The following SLC12A7 variants were observed in gnomAD, a reference collection of about 807,000 sequenced individuals.
SLC12A7 encodes the protein K-Cl cotransporter 4.
In SLC12A7, 100 loss-of-function variants were observed where a neutral mutation model predicts 120.6. That is an observed-to-expected ratio of 0.83 (90% CI 0.71 to 0.98). SLC12A7 has a LOEUF of 0.98. Ranked by LOEUF, SLC12A7 falls within the 50% of genes least tolerant of loss-of-function variation. SLC12A7 has a pLI of 0.00. For missense variants in SLC12A7, 1,373 were observed against 1,548.1 expected, an observed-to-expected ratio of 0.89 and a Z score of 1.90; for synonymous variants, 760 against 678.0, an observed-to-expected ratio of 1.12 and a Z score of -1.88.
chr5:1,142,748 G>A, the SLC12A7 span, among the ~76,000 whole-genome samples: 38 of 147,970 alleles, frequency 2.6e-4, no homozygotes, highest in African/African-American at 7.3e-4. Context: ...AGGTGCTCAC[G>A]GCCCTCCCCA....
chr5:1,078,093 G>T, intron 11 of SLC12A7, 86 bp from the exon 12 acceptor site: 2 of 1,439,420 alleles, frequency 1.4e-6, no homozygotes, highest in Non-Finnish European at 1.8e-6. Flanking sequence ...AGAGCGAGGG[G>T]CCCAGTGCAG....
chr5:1,064,711 G>A, intron 18 of SLC12A7, among the ~76,000 whole-genome samples: 1 of 151,268 alleles, frequency 6.6e-6, no homozygotes, highest in South Asian at 2.1e-4. Context: ...ACGGTGAGGG[G>A]ACAGCGAGGA....
chr5:1,119,253 A>G, the SLC12A7 span, among the ~76,000 whole-genome samples: 1 of 152,174 alleles, frequency 6.6e-6, no homozygotes, highest in African/African-American at 2.4e-5. Flanking sequence ...TCAGCTGGGA[A>G]CCTGGACTGC....
At chr5:1,064,920 G>A (rs534455908) in intron 18 of SLC12A7, among the ~76,000 whole-genome samples, 1 of 150,298 alleles carries the variant, frequency 6.7e-6, no homozygotes, top group Non-Finnish European at 1.5e-5. Context: ...ACGGCGAGGA[G>A]ATGGTGAGGG....
chr5:1,090,999 C>T (rs1740435149), intron 3 of SLC12A7, among the ~76,000 whole-genome samples: 1 of 152,184 alleles, frequency 6.6e-6, no homozygotes, highest in Non-Finnish European at 1.5e-5. Flanking sequence ...GGCCGAGCCA[C>T]GGTCCCCTAA....
intron 23 of SLC12A7, 128 bp downstream of exon 23, chr5:1,053,221 C>T: frequency 8.0e-7 from 1 of 1,247,750 alleles, no homozygotes; most frequent in Non-Finnish European, 1.1e-6. Context: ...GGTCGTAGCT[C>T]CCAGAGCCTG....
the SLC12A7 span, among the ~76,000 whole-genome samples, chr5:1,120,822 G>A: frequency 1.3e-5 from 2 of 152,194 alleles, no homozygotes; most frequent in Non-Finnish European, 2.9e-5. Flanking sequence ...AGGGCAGGCA[G>A]GACTCACCCT....
At chr5:1,084,012 C>T (rs1739524998) in intron 7 of SLC12A7, 56 bp from the exon 8 acceptor site, 18 of 1,481,364 alleles carry the variant, frequency 1.2e-5, no homozygotes, top group Non-Finnish European at 1.6e-5. Context: ...GCTTTTACTG[C>T]CCCACCCAGC....
intron 1 of SLC12A7, among the ~76,000 whole-genome samples, chr5:1,105,025 C>G (rs955875930): frequency 6.6e-6 from 1 of 150,502 alleles, no homozygotes; most frequent in Non-Finnish European, 1.5e-5. Flanking sequence ...GGACCCTCCC[C>G]GAAGGAATGA....
Position 1,052,328 on chromosome 5 carries a change from C to G in SLC12A7, c.*32G>C. On this transcript the variant is annotated 3_prime_UTR_variant, in exon 24 of 24. Transcript: ENST00000264930. Reference sequence around the variant, plus strand: ...CAGGCTGCCCACGCCGTCCTCCGTGCCTGTCCCAGAGTGCCGTGATGCTGT... The same window carrying G: ...CAGGCTGCCCACGCCGTCCTCCGTGGCTGTCCCAGAGTGCCGTGATGCTGT... 1 of 1,585,362 alleles carries G rather than the reference C, an allele frequency of 6.3e-7. No individual in the cohort carries two copies. The highest frequency in any genetic ancestry group is 1.3e-5 in the African/African-American group (1 of 74,460).
At chr5:1,081,011 GACAGACAGAC>G (rs1295789219) in intron 9 of SLC12A7, among the ~76,000 whole-genome samples, 2 of 63,532 alleles carry the variant, frequency 3.1e-5, no homozygotes, top group Non-Finnish European at 4.8e-5. Context: ...GAGAGAGACA[GACAGACAGAC>G]AGAGAGAGAG....
At chr5:1,082,360 TCC>T (rs1739264603) in intron 8 of SLC12A7, among the ~76,000 whole-genome samples, 1 of 71,720 alleles carries the variant, frequency 1.4e-5, no homozygotes, top group Middle Eastern at 0.015. Context: ...TTCTGGAAAG[TCC>T]AGGCTTCCCG....
the SLC12A7 span, among the ~76,000 whole-genome samples, chr5:1,152,623 A>G: frequency 1.3e-5 from 2 of 152,156 alleles, no homozygotes; most frequent in East Asian, 1.9e-4. Flanking sequence ...CCCCCAAGCT[A>G]GAGAACGGAG....
At chr5:1,073,971 G>A (rs938019092) in intron 16 of SLC12A7, among the ~76,000 whole-genome samples, 170 bp from the exon 17 acceptor site, 1 of 152,134 alleles carries the variant, frequency 6.6e-6, no homozygotes, top group Non-Finnish European at 1.5e-5. Context: ...ATGGGGAAAC[G>A]TGACACACGT....
the SLC12A7 span, among the ~76,000 whole-genome samples, chr5:1,155,428 A>G: frequency 2.6e-5 from 4 of 151,572 alleles, no homozygotes; most frequent in South Asian, 4.2e-4. Flanking sequence ...CTGTCGGCCC[A>G]TCCCCGCGGC....
At position 1,091,017 on chromosome 5, in the gene SLC12A7, G is replaced by A. The variant is rs374171962; in HGVS notation, c.343-1889C>T. ...CGAGCCACGGTCCCCTAAGGGAGCCGAAGGAGTCACTGCCAACTGAAACCC... is the reference window on the plus strand; with the variant it reads ...CGAGCCACGGTCCCCTAAGGGAGCCAAAGGAGTCACTGCCAACTGAAACCC... On this transcript the variant is annotated intron_variant, in intron 3 of 23. Transcript: ENST00000264930. Among the ~76,000 whole-genome samples, 1,059 of 152,270 alleles carry A rather than the reference G, an allele frequency of 7.0e-3. 11 individuals are homozygous for A. The highest frequency in any genetic ancestry group is 9.1e-3 in the South Asian group (44 of 4,828).
the SLC12A7 span, among the ~76,000 whole-genome samples, chr5:1,137,562 A>AC: frequency 1.3e-5 from 2 of 150,886 alleles, no homozygotes; most frequent in Non-Finnish European, 3.0e-5. Flanking sequence ...GGACGTCCAG[A>AC]CCCCCCGAGC....
the SLC12A7 span, among the ~76,000 whole-genome samples, chr5:1,128,431 C>T: frequency 3.5e-4 from 53 of 152,348 alleles, 1 homozygote; most frequent in East Asian, 2.7e-3. Flanking sequence ...ACATCTCACG[C>T]GGACCCAGTG....
At chr5:1,062,011 C>G (rs1431840051) in intron 20 of SLC12A7, among the ~76,000 whole-genome samples, 1 of 152,220 alleles carries the variant, frequency 6.6e-6, no homozygotes, top group African/African-American at 2.4e-5. Context: ...CCAGGTGGCA[C>G]TTGTCCCTGC....
Sources: allele counts gnomAD v4.1 joint callset (sites outside exome capture counted in the v4.1 genomes callset), GRCh38; gene constraint gnomAD v4.1.1; transcripts MANE v1.5; gene names NCBI Gene and HGNC (gene_info 2026-07-23, HGNC 2026-07-21).